The following TAOK1 variants were observed in gnomAD, a reference collection of about 807,000 sequenced individuals.
TAOK1 encodes TAO kinase 1, also known as serine/threonine-protein kinase TAO1.
TAOK1 carries 21 observed loss-of-function variants against 138.3 expected under a neutral mutation model. That is an observed-to-expected ratio of 0.15 (90% CI 0.11 to 0.22). The LOEUF is 0.22. Among genes scored for constraint, TAOK1 ranks in the 10% least tolerant of loss-of-function variants. The pLI is 1.00. For synonymous variants in TAOK1, 361 were observed against 398.4 expected, an observed-to-expected ratio of 0.91 and a Z score of 1.12; for missense variants, 651 against 1,227.7, an observed-to-expected ratio of 0.53 and a Z score of 7.02.
At chr17:29,398,654 C>T (rs1183097535) in intron 1 of TAOK1, among the ~76,000 whole-genome samples, 4 of 151,980 alleles carry the variant, frequency 2.6e-5, no homozygotes, top group East Asian at 1.9e-4. Flanking sequence ...CTCAGCCTCC[C>T]GGGTAGCTGG....
Position 29,467,165 on chromosome 17 carries a change from T to C in TAOK1, c.153T>C (p.Asn51=). Residue 51 remains asparagine, a synonymous_variant, in exon 3 of 20, where the codon AAT becomes AAC. Coordinates refer to ENST00000261716, the MANE Select transcript of TAOK1 (RefSeq NM_020791.4). ...TTTAGGCACGAGATGTGCGTACCAA[T>C]GAAGTGGTGGCCATCAAGAAAATGT... ...AVYFARDVRT[N]EVVAIKKMSY... 1 of 1,604,652 alleles carries C rather than the reference T, an allele frequency of 6.2e-7. No homozygotes were observed. Among genetic ancestry groups the C allele is most frequent in the Non-Finnish European group, 8.5e-7 (1 of 1,174,086 alleles).
chr17:29,422,689 TTTC>T (rs1399500939), intron 1 of TAOK1, among the ~76,000 whole-genome samples: 1 of 152,220 alleles, frequency 6.6e-6, no homozygotes, highest in East Asian at 1.9e-4. Flanking sequence ...TGGTAATTTG[TTTC>T]TTCTTTCTCT....
At chr17:29,517,241 G>A (rs1214957679) in intron 15 of TAOK1, among the ~76,000 whole-genome samples, 1 of 152,028 alleles carries the variant, frequency 6.6e-6, no homozygotes, top group East Asian at 1.9e-4. Flanking sequence ...GCCCGCCTCA[G>A]CCTCCAAAAG....
chr17:29,469,692 GTATC>G (rs2030766518), intron 3 of TAOK1, among the ~76,000 whole-genome samples: 1 of 152,100 alleles, frequency 6.6e-6, no homozygotes, highest in African/African-American at 2.4e-5. Flanking sequence ...ATCTACATAT[GTATC>G]TATATCTGTC....
chr17:29,457,935 T>G (rs994239230), intron 2 of TAOK1, among the ~76,000 whole-genome samples: 1 of 151,586 alleles, frequency 6.6e-6, no homozygotes, highest in African/African-American at 2.4e-5. Context: ...ACGGTGAAAC[T>G]CCATCTCTAC....
At chr17:29,451,724 T>C (rs1407034025) in intron 2 of TAOK1, 44 bp downstream of exon 2, 13 of 1,594,636 alleles carry the variant, frequency 8.2e-6, no homozygotes, top group Non-Finnish European at 1.1e-5. Context: ...ATTTACTTAA[T>C]GTCCACTCCT....
intron 1 of TAOK1, among the ~76,000 whole-genome samples, chr17:29,419,078 T>C (rs549699725): frequency 1.3e-5 from 2 of 152,120 alleles, no homozygotes; most frequent in Admixed American, 6.6e-5. Context: ...AGTCTATGAA[T>C]TTAGTACATT....
At chr17:29,456,111 G>A (rs926592762) in intron 2 of TAOK1, among the ~76,000 whole-genome samples, 1 of 150,424 alleles carries the variant, frequency 6.6e-6, no homozygotes, top group Non-Finnish European at 1.5e-5. Context: ...ACTTTGGGAG[G>A]CCAAGGCAGG....
At chr17:29,441,330 G>A (rs747471293) in intron 1 of TAOK1, among the ~76,000 whole-genome samples, 5 of 152,096 alleles carry the variant, frequency 3.3e-5, no homozygotes, top group African/African-American at 4.8e-5. Context: ...GCAATATAGC[G>A]AGACCCTGCT....
chr17:29,404,749 T>TA (rs1248149213), intron 1 of TAOK1, among the ~76,000 whole-genome samples: 1 of 152,160 alleles, frequency 6.6e-6, no homozygotes, highest in Non-Finnish European at 1.5e-5. Context: ...ATGGTTGTGC[T>TA]ACTGCATTCC....
chr17:29,477,369 T>C (rs978064697), intron 4 of TAOK1, among the ~76,000 whole-genome samples: 3 of 151,944 alleles, frequency 2.0e-5, no homozygotes, highest in African/African-American at 7.2e-5. Context: ...ATATATGAAA[T>C]ACACAGCTTA....
chr17:29,517,726 A>T, intron 16 of TAOK1, 70 bp downstream of exon 16: 2 of 1,448,272 alleles, frequency 1.4e-6, no homozygotes, highest in Non-Finnish European at 1.9e-6. Context: ...TTCCAATTCC[A>T]TTCTAGTCTC....
At chr17:29,418,315 C>G (rs1451167201) in intron 1 of TAOK1, among the ~76,000 whole-genome samples, 1 of 152,198 alleles carries the variant, frequency 6.6e-6, no homozygotes, top group Non-Finnish European at 1.5e-5. Context: ...TCCTTAGTAG[C>G]TAGGACTGCA....
chr17:29,492,786 C>T (rs974916512), intron 10 of TAOK1, among the ~76,000 whole-genome samples: 1 of 151,624 alleles, frequency 6.6e-6, no homozygotes, highest in African/African-American at 2.4e-5. Context: ...GGGCGAAACC[C>T]CTTCTCAAAA....
intron 1 of TAOK1, among the ~76,000 whole-genome samples, chr17:29,424,434 C>G (rs1905566252): frequency 1.1e-5 from 1 of 92,414 alleles, no homozygotes; most frequent in African/African-American, 4.5e-5. Context: ...GAGACTCCCT[C>G]TCAAAAAAAA....
intron 2 of TAOK1, among the ~76,000 whole-genome samples, chr17:29,460,439 C>T (rs2153025052): frequency 6.6e-6 from 1 of 152,302 alleles, no homozygotes; most frequent in East Asian, 1.9e-4. Context: ...ATCCACCCGC[C>T]TCGGCCTCCC....
At chr17:29,490,043 C>T in intron 9 of TAOK1, among the ~76,000 whole-genome samples, 1 of 151,476 alleles carries the variant, frequency 6.6e-6, no homozygotes, top group African/African-American at 2.4e-5. Context: ...TTAGGAATAC[C>T]TAATCCTAAT....
chr17:29,406,670 C>T (rs1453430246), intron 1 of TAOK1, among the ~76,000 whole-genome samples: 1 of 152,022 alleles, frequency 6.6e-6, no homozygotes, highest in African/African-American at 2.4e-5. Flanking sequence ...CAGCTGAGAC[C>T]ACAGGAGTGC....
At chr17:29,502,493 G>A in intron 12 of TAOK1, 96 bp from the exon 13 acceptor site, 1 of 1,343,842 alleles carries the variant, frequency 7.4e-7, no homozygotes, top group Non-Finnish European at 1.0e-6. Context: ...ATGTCTTTGA[G>A]ATTGATTGAT....
Sources: gnomAD v4.1 joint callset for allele counts (sites outside exome capture counted in the v4.1 genomes callset) on GRCh38, gnomAD v4.1.1 for gene constraint, MANE v1.5 for transcripts, NCBI Gene and HGNC (gene_info 2026-07-23, HGNC 2026-07-21) for gene names.